Variants in GRM3 observed in about 807,000 individuals in gnomAD.
The protein encoded by GRM3 is glutamate metabotropic receptor 3.
In GRM3, 26 loss-of-function variants were observed where a neutral mutation model predicts 70.5. The observed-to-expected ratio is 0.37, with a 90% CI of 0.27 to 0.51. The LOEUF (loss-of-function observed/expected upper bound fraction) is 0.51. GRM3 is among the 20% of genes least tolerant of loss of function. GRM3 has a pLI of 0.93. For synonymous variants in GRM3, 443 were observed against 434.9 expected (o/e 1.02, Z -0.23); for missense variants, 859 against 1,123.8 (o/e 0.76, Z 3.37).
intron 4 of GRM3, among the ~76,000 whole-genome samples, chr7:86,843,937 A>C (rs1385383088): frequency 3.3e-5 from 5 of 152,208 alleles, no homozygotes; most frequent in Non-Finnish European, 7.3e-5. Flanking sequence ...TCTTGTTGAA[A>C]TAAAGATTCT....
At chr7:86,754,756 G>A (rs1796305622) in intron 1 of GRM3, among the ~76,000 whole-genome samples, 1 of 152,064 alleles carries the variant, frequency 6.6e-6, no homozygotes, top group Non-Finnish European at 1.5e-5. Flanking sequence ...ATTTCAAACT[G>A]ATTTCAGCAA....
chr7:86,784,788 G>C (rs946816348), intron 2 of GRM3: 2 of 152,218 alleles, frequency 1.3e-5, no homozygotes, highest in African/African-American at 4.8e-5. Context: ...TATATTGTGT[G>C]TTAAGCCCCA....
At chr7:86,798,918 C>T (rs1485742712) in intron 3 of GRM3, among the ~76,000 whole-genome samples, 2 of 152,164 alleles carry the variant, frequency 1.3e-5, no homozygotes, top group African/African-American at 4.8e-5. Context: ...TGTTCATTCA[C>T]CTCCTGCCAT....
At chr7:86,827,898 G>A (rs1300270781) in intron 3 of GRM3, among the ~76,000 whole-genome samples, 2 of 152,034 alleles carry the variant, frequency 1.3e-5, no homozygotes, top group Non-Finnish European at 1.5e-5. Flanking sequence ...GGAACACAAG[G>A]TCAGGAGATG....
intron 1 of GRM3, among the ~76,000 whole-genome samples, chr7:86,690,939 A>C (rs2116028084): frequency 6.6e-6 from 1 of 152,270 alleles, no homozygotes; most frequent in Non-Finnish European, 1.5e-5. Context: ...TTGCAAAAAT[A>C]AACATCTTTA....
At chr7:86,670,143 CTCTTT>C (rs2115897322) in intron 1 of GRM3, among the ~76,000 whole-genome samples, 1 of 152,268 alleles carries the variant, frequency 6.6e-6, no homozygotes, top group Admixed American at 6.5e-5. Context: ...TTTGTCAGCT[CTCTTT>C]TCTTTTGATA....
intron 1 of GRM3, among the ~76,000 whole-genome samples, chr7:86,675,205 G>A (rs1794276251): frequency 6.6e-6 from 1 of 152,014 alleles, no homozygotes. Flanking sequence ...AACCAGTACT[G>A]TGATCAAGGT....
chr7:86,733,040 C>T (rs1296383217), intron 1 of GRM3, among the ~76,000 whole-genome samples: 2 of 152,058 alleles, frequency 1.3e-5, no homozygotes, highest in African/African-American at 4.8e-5. Flanking sequence ...GATGGCCGGG[C>T]GTGGTGTCTC....
At chr7:86,716,534 T>C (rs889571288) in intron 1 of GRM3, among the ~76,000 whole-genome samples, 1 of 151,778 alleles carries the variant, frequency 6.6e-6, no homozygotes. Context: ...AATATCCTTA[T>C]CCACAAGGTA....
chr7:86,715,620 T>C (rs1021043718), intron 1 of GRM3, among the ~76,000 whole-genome samples: 1 of 152,016 alleles, frequency 6.6e-6, no homozygotes, highest in Admixed American at 6.6e-5. Context: ...TGTTTAATAA[T>C]TATTCATATA....
chr7:86,859,566 A>C (rs1798915791), intron 5 of GRM3, among the ~76,000 whole-genome samples: 1 of 152,156 alleles, frequency 6.6e-6, no homozygotes, highest in Non-Finnish European at 1.5e-5. Context: ...CTGGGAAAAA[A>C]TTATTTGGGG....
chr7:86,686,977 A>G (rs1399916241), intron 1 of GRM3, among the ~76,000 whole-genome samples: 1 of 152,074 alleles, frequency 6.6e-6, no homozygotes, highest in African/African-American at 2.4e-5. Context: ...AATTTAGTAG[A>G]TGGGTTTAAT....
At chr7:86,686,050 T>C (rs1218028800) in intron 1 of GRM3, among the ~76,000 whole-genome samples, 1 of 152,016 alleles carries the variant, frequency 6.6e-6, no homozygotes, top group East Asian at 1.9e-4. Flanking sequence ...TAATTATCAG[T>C]TTAAATAATG....
At chr7:86,680,771 C>A (rs1794423226) in intron 1 of GRM3, among the ~76,000 whole-genome samples, 1 of 152,070 alleles carries the variant, frequency 6.6e-6, no homozygotes, top group Non-Finnish European at 1.5e-5. Context: ...AGCTCCCAGC[C>A]CCTTCCCATT....
At chr7:86,730,431 G>A (rs1584198842) in intron 1 of GRM3, among the ~76,000 whole-genome samples, 1 of 152,254 alleles carries the variant, frequency 6.6e-6, no homozygotes, top group East Asian at 1.9e-4. Flanking sequence ...AAAAACAAAA[G>A]GCATAACATA....
chr7:86,653,854 G>A (rs1793667107), intron 1 of GRM3, among the ~76,000 whole-genome samples: 1 of 151,986 alleles, frequency 6.6e-6, no homozygotes, highest in Non-Finnish European at 1.5e-5. Context: ...TATCATTAAT[G>A]AAAAGATTAT....
At chr7:86,836,140 A>G (rs1798451858) in intron 3 of GRM3, among the ~76,000 whole-genome samples, 1 of 152,236 alleles carries the variant, frequency 6.6e-6, no homozygotes, top group African/African-American at 2.4e-5. Context: ...ATTGTGGAGA[A>G]TGGACATTCC....
intron 1 of GRM3, 54 bp downstream of exon 1, chr7:86,644,926 G>A: frequency 9.6e-7 from 1 of 1,039,488 alleles, no homozygotes; most frequent in South Asian, 1.3e-5. Context: ...GCCAGGGCGC[G>A]GAAGCTCGGG....
chr7:86,782,879 A>G (rs1373622394), intron 2 of GRM3, among the ~76,000 whole-genome samples: 1 of 152,162 alleles, frequency 6.6e-6, no homozygotes, highest in African/African-American at 2.4e-5. Context: ...TTTTTTTCCA[A>G]AGCATATATA....
Sources: allele counts gnomAD v4.1 joint callset (sites outside exome capture counted in the v4.1 genomes callset), GRCh38; gene constraint gnomAD v4.1.1; transcripts MANE v1.5; gene names NCBI Gene and HGNC (gene_info 2026-07-23, HGNC 2026-07-21).